Variants in ADAMTS14 observed in about 807,000 individuals in gnomAD.
The protein encoded by ADAMTS14 is ADAM metallopeptidase with thrombospondin type 1 motif 14.
Under a neutral mutation model 128.6 loss-of-function variants are expected in ADAMTS14, and 100 were observed. The ratio of observed to expected loss-of-function variants is 0.78; its 90% CI spans 0.66 to 0.92. The LOEUF is 0.92. Among genes scored for constraint, ADAMTS14 ranks in the 40% least tolerant of loss-of-function variants. The pLI is 0.00. For synonymous variants in ADAMTS14, 665 were observed against 653.8 expected (o/e 1.02, Z -0.26); for missense variants, 1,562 against 1,658.6 (o/e 0.94, Z 1.01).
chr10:70,709,404 C>G (rs937183183), intron 4 of ADAMTS14, among the ~76,000 whole-genome samples: 7 of 147,454 alleles, frequency 4.7e-5, no homozygotes, highest in African/African-American at 1.5e-4. Context: ...GCTAGTTTTT[C>G]AAGAAAAGTC....
intron 2 of ADAMTS14, among the ~76,000 whole-genome samples, chr10:70,684,924 G>T (rs1839911444): frequency 2.6e-5 from 4 of 152,200 alleles, no homozygotes; most frequent in African/African-American, 9.7e-5. Context: ...TACCTCCCTT[G>T]TCTCCTCATG....
At chr10:70,719,350 G>A (rs147610198) in intron 4 of ADAMTS14, among the ~76,000 whole-genome samples, 115 of 149,250 alleles carry the variant, frequency 7.7e-4, no homozygotes, top group African/African-American at 2.7e-3. Flanking sequence ...TTCGTGGACA[G>A]CATCTCACTC....
intron 2 of ADAMTS14, among the ~76,000 whole-genome samples, chr10:70,692,505 GGA>G (rs1375599179): frequency 6.6e-6 from 1 of 152,226 alleles, no homozygotes; most frequent in Non-Finnish European, 1.5e-5. Context: ...TGACAGAAAA[GGA>G]GAGATACATT....
intron 4 of ADAMTS14, among the ~76,000 whole-genome samples, chr10:70,715,001 A>AGCT (rs904971188): frequency 6.6e-6 from 1 of 150,608 alleles, no homozygotes; most frequent in African/African-American, 2.4e-5. Flanking sequence ...TTATATTCTT[A>AGCT]GCTTAATAGG....
chr10:70,718,649 G>A (rs989984769), intron 4 of ADAMTS14, among the ~76,000 whole-genome samples: 6 of 149,878 alleles, frequency 4.0e-5, no homozygotes, highest in African/African-American at 1.5e-4. Context: ...GCCTCCCAAA[G>A]TGCTGGGATT....
intron 11 of ADAMTS14, among the ~76,000 whole-genome samples, chr10:70,740,754 T>C: frequency 6.6e-6 from 1 of 152,178 alleles, no homozygotes; most frequent in African/African-American, 2.4e-5. Flanking sequence ...CACCGTGGAA[T>C]AGGTGGTGTA....
rs41307559 is a variant in ADAMTS14 at position 70,744,054 on chromosome 10, C to A, written c.2059-12C>A. ...GGGAGCCTCCTCCCACTGACCTCAC[C>A]TCTGGCCTCAGCCTGTCGGCTGTGA... On this transcript the variant is annotated splice_polypyrimidine_tract_variant and intron_variant, in intron 13 of 21. Coordinates refer to ENST00000373207, the MANE Select transcript of ADAMTS14 (RefSeq NM_080722.4). The A allele has an allele frequency of 0.07, 109,236 of 1,557,496 alleles. 4,134 individuals carry two copies. Among genetic ancestry groups the A allele is most frequent in the Middle Eastern group, 0.093 (559 of 6,002 alleles).
intron 4 of ADAMTS14, among the ~76,000 whole-genome samples, chr10:70,727,985 A>G (rs1394990040): frequency 6.6e-6 from 1 of 151,860 alleles, no homozygotes; most frequent in Non-Finnish European, 1.5e-5. Flanking sequence ...AGTCCCAGCT[A>G]CTCAGGAGGC....
chr10:70,726,924 G>A (rs1451748578), intron 4 of ADAMTS14, among the ~76,000 whole-genome samples: 5 of 152,260 alleles, frequency 3.3e-5, no homozygotes, highest in Non-Finnish European at 7.3e-5. Flanking sequence ...TTGGACTATG[G>A]TCATTTCTTG....
Position 70,760,421 on chromosome 10 carries a change from C to A in ADAMTS14, c.3240C>A (p.Cys1080Ter), listed in dbSNP as rs1245328763. Reference protein sequence around the residue: ...FCQMEVLDRYCSIPGYHRLCC... With the variant: ...FCQMEVLDRY Reference sequence around the variant, plus strand: ...AGATGGAAGTGCTCGATCGCTACTGCTCCATTCCCGGCTACCACCGGCTCT... The same window carrying A: ...AGATGGAAGTGCTCGATCGCTACTGATCCATTCCCGGCTACCACCGGCTCT... Residue 1080 changes from cysteine to a stop codon, truncating the protein, a stop_gained, in exon 22 of 22, where the codon TGC (cysteine) becomes TGA (stop). Transcript: ENST00000373207. LOFTEE classifies it low-confidence loss of function (END_TRUNC). The A allele has an allele frequency of 6.2e-7, 1 of 1,612,078 alleles. No homozygotes were observed.
chr10:70,738,291 T>C (rs528481382), intron 10 of ADAMTS14, among the ~76,000 whole-genome samples: 1 of 152,086 alleles, frequency 6.6e-6, no homozygotes, highest in African/African-American at 2.4e-5. Context: ...AACAGGTGGG[T>C]AAACTGAGGC....
At chr10:70,707,170 A>G (rs557908800) in intron 3 of ADAMTS14, among the ~76,000 whole-genome samples, 1 of 152,034 alleles carries the variant, frequency 6.6e-6, no homozygotes, top group South Asian at 2.1e-4. Context: ...CCAATTTCTT[A>G]TTTGTCCCCT....
intron 2 of ADAMTS14, among the ~76,000 whole-genome samples, chr10:70,700,113 G>C (rs886078530): frequency 2.0e-5 from 3 of 152,104 alleles, no homozygotes; most frequent in Admixed American, 1.3e-4. Context: ...AGGCCTTGGA[G>C]GTGTGTCCCG....
At chr10:70,701,915 C>T (rs1840504379) in intron 2 of ADAMTS14, among the ~76,000 whole-genome samples, 1 of 152,154 alleles carries the variant, frequency 6.6e-6, no homozygotes, top group African/African-American at 2.4e-5. Context: ...AAAGCAAACC[C>T]CTGTGATGTG....
intron 4 of ADAMTS14, among the ~76,000 whole-genome samples, chr10:70,728,650 A>T (rs916795048): frequency 2.0e-5 from 3 of 152,206 alleles, no homozygotes; most frequent in Non-Finnish European, 2.9e-5. Context: ...GGCCTGTGAG[A>T]AAAAGGGATT....
intron 7 of ADAMTS14, among the ~76,000 whole-genome samples, chr10:70,732,580 GC>G (rs1371352405): frequency 6.6e-6 from 1 of 152,224 alleles, no homozygotes; most frequent in African/African-American, 2.4e-5. Flanking sequence ...AGTAATTTGG[GC>G]CTGCCTTGGG....
intron 19 of ADAMTS14, among the ~76,000 whole-genome samples, chr10:70,756,088 G>A (rs1182875226): frequency 1.3e-5 from 2 of 152,138 alleles, no homozygotes; most frequent in African/African-American, 2.4e-5. Context: ...ATAAACTTCT[G>A]TTATAGAGAA....
chr10:70,716,264 A>C (rs1841038246), intron 4 of ADAMTS14, among the ~76,000 whole-genome samples: 1 of 152,186 alleles, frequency 6.6e-6, no homozygotes, highest in African/African-American at 2.4e-5. Context: ...TGCCCTGTGA[A>C]TGTGGGAACA....
chr10:70,715,076 G>A (rs566871294), intron 4 of ADAMTS14, among the ~76,000 whole-genome samples: 35 of 152,214 alleles, frequency 2.3e-4, no homozygotes, highest in African/African-American at 7.9e-4. Context: ...GAGAACTAAC[G>A]GGAGATGAAG....
Sources: gnomAD v4.1 joint callset for allele counts (sites outside exome capture counted in the v4.1 genomes callset) on GRCh38, gnomAD v4.1.1 for gene constraint, MANE v1.5 for transcripts, NCBI Gene and HGNC (gene_info 2026-07-23, HGNC 2026-07-21) for gene names.